ZNF804A: variants seen among roughly 807,000 people sequenced by gnomAD.
The protein encoded by ZNF804A is zinc finger protein 804A.
Under a neutral mutation model 16.5 loss-of-function variants are expected in ZNF804A, and 2 were observed. The observed-to-expected ratio is 0.12, with a 90% confidence interval of 0.05 to 0.38. The LOEUF is 0.38. ZNF804A is among the 10% of genes least tolerant of loss of function. The probability of loss-of-function intolerance (pLI) is 0.99; values close to 1 mark genes in which losing one functional copy is unlikely to be tolerated. For missense variants in ZNF804A, 1,473 were observed against 1,390.7 expected, an observed-to-expected ratio of 1.06 and a Z score of -0.94; for synonymous variants, 534 against 489.6, an observed-to-expected ratio of 1.09 and a Z score of -1.20.
At chr2:184,822,756 C>T (rs1695103097) in intron 1 of ZNF804A, among the ~76,000 whole-genome samples, 1 of 151,966 alleles carries the variant, frequency 6.6e-6, no homozygotes, top group Non-Finnish European at 1.5e-5. Context: ...AGACTAAATA[C>T]TTAGTAAGTC....
intron 1 of ZNF804A, among the ~76,000 whole-genome samples, chr2:184,708,678 TATA>T (rs1401068113): frequency 6.6e-6 from 1 of 152,166 alleles, no homozygotes; most frequent in African/African-American, 2.4e-5. Context: ...GGAAATTCTA[TATA>T]ATAACTTAAT....
intron 1 of ZNF804A, among the ~76,000 whole-genome samples, chr2:184,686,210 T>C (rs1692628154): frequency 6.6e-6 from 1 of 152,110 alleles, no homozygotes; most frequent in African/African-American, 2.4e-5. Flanking sequence ...CAAAGTTAGG[T>C]GGCTGCAGCT....
At chr2:184,624,629 C>T (rs1235177986) in intron 1 of ZNF804A, among the ~76,000 whole-genome samples, 1 of 152,052 alleles carries the variant, frequency 6.6e-6, no homozygotes, top group Non-Finnish European at 1.5e-5. Flanking sequence ...AATGGGGCTC[C>T]ATTTGTAGTA....
intron 1 of ZNF804A, among the ~76,000 whole-genome samples, chr2:184,814,938 A>G (rs1574224959): frequency 6.6e-6 from 1 of 152,134 alleles, no homozygotes; most frequent in East Asian, 1.9e-4. Flanking sequence ...TGTCTACATC[A>G]CATTGTTGCT....
At chr2:184,708,057 C>T (rs1176492155) in intron 1 of ZNF804A, among the ~76,000 whole-genome samples, 2 of 151,876 alleles carry the variant, frequency 1.3e-5, no homozygotes, top group African/African-American at 4.8e-5. Flanking sequence ...ATTATTTTTT[C>T]ATATGTTTGC....
intron 1 of ZNF804A, among the ~76,000 whole-genome samples, chr2:184,805,505 AG>A (rs1694787057): frequency 1.3e-5 from 2 of 152,068 alleles, no homozygotes; most frequent in Non-Finnish European, 2.9e-5. Flanking sequence ...AGGCTATTCC[AG>A]CCCTCATAAT....
intron 2 of ZNF804A, among the ~76,000 whole-genome samples, chr2:184,867,312 C>T (rs1438153603): frequency 6.6e-6 from 1 of 152,002 alleles, no homozygotes; most frequent in African/African-American, 2.4e-5. Flanking sequence ...TAGCTATCAC[C>T]CTCAAATACC....
intron 2 of ZNF804A, among the ~76,000 whole-genome samples, chr2:184,892,622 T>A (rs941260556): frequency 4.6e-5 from 7 of 151,798 alleles, no homozygotes; most frequent in Non-Finnish European, 8.8e-5. Flanking sequence ...TAGCTGGGAT[T>A]ACAGGCACGC....
chr2:184,903,489 T>A (rs550031070), intron 2 of ZNF804A, among the ~76,000 whole-genome samples: 5 of 152,080 alleles, frequency 3.3e-5, no homozygotes, highest in Non-Finnish European at 5.9e-5. Flanking sequence ...TGTAGTAGGT[T>A]ATACCACCTA....
chr2:184,678,168 C>T (rs562431548), intron 1 of ZNF804A, among the ~76,000 whole-genome samples: 8 of 151,974 alleles, frequency 5.3e-5, no homozygotes, highest in South Asian at 4.2e-4. Flanking sequence ...TTATAACTTT[C>T]GAGAGCATTA....
At chr2:184,637,300 T>A (rs886393598) in intron 1 of ZNF804A, among the ~76,000 whole-genome samples, 1 of 151,938 alleles carries the variant, frequency 6.6e-6, no homozygotes, top group African/African-American at 2.4e-5. Context: ...CTTGGCACAT[T>A]TTTTTTAGGC....
chr2:184,866,648 G>A, intron 2 of ZNF804A, 136 bp downstream of exon 2: 6 of 737,698 alleles, frequency 8.1e-6, no homozygotes, highest in Non-Finnish European at 1.2e-5. Context: ...ATCATTCTGG[G>A]ATGATAATTT....
intron 1 of ZNF804A, among the ~76,000 whole-genome samples, chr2:184,636,729 G>A (rs1391402685): frequency 6.6e-6 from 1 of 151,876 alleles, no homozygotes; most frequent in South Asian, 2.1e-4. Flanking sequence ...TTATGAAGGC[G>A]ATTGATGAAC....
At chr2:184,865,203 G>A (rs531368328) in intron 1 of ZNF804A, among the ~76,000 whole-genome samples, 1 of 152,028 alleles carries the variant, frequency 6.6e-6, no homozygotes, top group African/African-American at 2.4e-5. Context: ...TTTTAAAGGA[G>A]TTGTATATAA....
Position 184,846,718 on chromosome 2 carries a change from C to CT in ZNF804A, c.112-19650dup, listed in dbSNP as rs1258197102. Among the ~76,000 whole-genome samples, 5 of 152,014 alleles carry CT rather than the reference C, an allele frequency of 3.3e-5. No individual in the cohort carries two copies. The East Asian group carries it at 9.7e-4, about 29-fold the overall frequency. On this transcript the variant is annotated intron_variant, in intron 1 of 3. Transcript: ENST00000302277. ...TTTTCCAAACATGAAGGTGACTAAT[C>CT]TAACTCGGTGTTTTGATGACTTGTC...
chr2:184,829,941 A>AAAAAAAAAAAAC (rs1558975002), intron 1 of ZNF804A, among the ~76,000 whole-genome samples: 3 of 146,126 alleles, frequency 2.1e-5, no homozygotes, highest in African/African-American at 7.8e-5. Flanking sequence ...AAAAAAAAAA[A>AAAAAAAAAAAAC]ACCACACACA....
chr2:184,911,869 C>G (rs1449876248), intron 2 of ZNF804A, among the ~76,000 whole-genome samples: 1 of 150,474 alleles, frequency 6.6e-6, no homozygotes, highest in Non-Finnish European at 1.5e-5. Flanking sequence ...CCTTTTTTTC[C>G]TACAATTTTC....
At chr2:184,706,787 C>T (rs1219172850) in intron 1 of ZNF804A, among the ~76,000 whole-genome samples, 3 of 152,152 alleles carry the variant, frequency 2.0e-5, no homozygotes, top group Non-Finnish European at 2.9e-5. Flanking sequence ...TATCCAACTT[C>T]GTGTGTCAAT....
intron 1 of ZNF804A, among the ~76,000 whole-genome samples, chr2:184,668,191 A>G (rs7609208): frequency 0.45 from 68,330 of 151,502 alleles, 16,537 homozygotes; most frequent in African/African-American, 0.63. Context: ...ATATATTTAT[A>G]GCATACAATG....
Sources: gnomAD v4.1 joint callset for allele counts (sites outside exome capture counted in the v4.1 genomes callset) on GRCh38, gnomAD v4.1.1 for gene constraint, MANE v1.5 for transcripts, NCBI Gene and HGNC (gene_info 2026-07-23, HGNC 2026-07-21) for gene names.